Variants in SYNDIG1 observed in about 807,000 individuals in gnomAD.
SYNDIG1 encodes the protein synapse differentiation inducing 1.
A neutral mutation model predicts 19.4 loss-of-function variants in SYNDIG1; 9 were observed. The observed-to-expected ratio is 0.46, with a 90% CI of 0.28 to 0.81. The LOEUF (loss-of-function observed/expected upper bound fraction) is 0.81, where lower values mean the gene tolerates loss of function less well. Among genes scored for constraint, SYNDIG1 ranks in the 30% least tolerant of loss-of-function variants. The pLI, the probability that SYNDIG1 is intolerant of heterozygous loss-of-function variation, is 0.12. For missense variants in SYNDIG1, 311 were observed against 343.3 expected (o/e 0.91, Z 0.74); for synonymous variants, 141 against 145.9 (o/e 0.97, Z 0.24).
rs184605088 is a variant in SYNDIG1, at chr20:24,555,506, C to A, written c.480+11929C>A. ...TCCCAGAGACTCTGGTATGTTGTGT[C>A]TTTGTTCTCGTTGGTTTCAAAGAAC... On this transcript the variant is annotated intron_variant, in intron 2 of 3. Coordinates refer to ENST00000376862, the MANE Select transcript of SYNDIG1 (RefSeq NM_024893.3). 9.6e-3 allele frequency among the ~76,000 whole-genome samples: 1,463 copies of A among 152,122 alleles called. 20 individuals are homozygous for A. The highest frequency in any genetic ancestry group is 0.015 in the Non-Finnish European group (1,029 of 68,010).
rs149666732 is a variant in SYNDIG1, at chr20:24,539,799, G to A, written c.-78-3221G>A. Among the ~76,000 whole-genome samples, 1,040 of 152,014 alleles carry A rather than the reference G, an allele frequency of 6.8e-3. 2 individuals are homozygous for A. The highest frequency in any genetic ancestry group is 0.011 in the Non-Finnish European group (779 of 67,986). ...TGTTTGTTTGTTTGTTTGTTTTTGA[G>A]ATGGAGTCTTGCTCTGTCACCCAGG... On this transcript the variant is annotated intron_variant, in intron 1 of 3. Transcript: ENST00000376862.
At chr20:24,630,193 A>G (rs2059218748) in intron 3 of SYNDIG1, among the ~76,000 whole-genome samples, 1 of 138,202 alleles carries the variant, frequency 7.2e-6, no homozygotes, top group African/African-American at 2.7e-5. Flanking sequence ...ATGATCGTGT[A>G]TCATCAGGGG....
Position 24,549,039 on chromosome 20 carries a change from T to A in SYNDIG1, c.480+5462T>A, listed in dbSNP as rs1480649753. 2.6e-5 allele frequency among the ~76,000 whole-genome samples: 4 copies of A among 152,246 alleles called. No individual in the cohort carries two copies. The East Asian group carries it at 7.7e-4, about 29-fold the overall frequency. ...ATCAGGGTAATTAGCATATTCATTATCTCAAACTTTGATCATTGCTTTGTG... is the reference window on the plus strand; with the variant it reads ...ATCAGGGTAATTAGCATATTCATTAACTCAAACTTTGATCATTGCTTTGTG... On this transcript the variant is annotated intron_variant, in intron 2 of 3. Transcript: ENST00000376862.
intron 1 of SYNDIG1, among the ~76,000 whole-genome samples, chr20:24,500,506 CTTTCTTTCTTTCT>C (rs1568587852): frequency 1.8e-4 from 25 of 142,708 alleles, no homozygotes; most frequent in African/African-American, 5.7e-4. Flanking sequence ...TTCTTTCTTT[CTTTCTTTCTTTCT>C]TTCTTTCTTT....
At chr20:24,545,577 A>G (rs947154445) in intron 2 of SYNDIG1, among the ~76,000 whole-genome samples, 8 of 152,258 alleles carry the variant, frequency 5.3e-5, no homozygotes, top group Admixed American at 5.2e-4. Context: ...AAGTCATCAC[A>G]CAGGCAGGAG....
chr20:24,500,526 CT>C (rs939352302), intron 1 of SYNDIG1, among the ~76,000 whole-genome samples: 36 of 135,822 alleles, frequency 2.7e-4, no homozygotes, highest in Admixed American at 6.0e-4. Context: ...TTCTTTCTTT[CT>C]TTCTTCTTTC....
At chr20:24,498,372 A>G (rs1253909863) in intron 1 of SYNDIG1, among the ~76,000 whole-genome samples, 2 of 152,206 alleles carry the variant, frequency 1.3e-5, no homozygotes, top group Non-Finnish European at 2.9e-5. Context: ...TATATAGTGT[A>G]TATTATAAGT....
At chr20:24,604,684 C>G (rs1056938521) in intron 3 of SYNDIG1, among the ~76,000 whole-genome samples, 1 of 152,170 alleles carries the variant, frequency 6.6e-6, no homozygotes, top group African/African-American at 2.4e-5. Flanking sequence ...ATAAAAAGAG[C>G]CAACCAGCAG....
chr20:24,626,480 C>A (rs895447624), intron 3 of SYNDIG1, among the ~76,000 whole-genome samples: 2 of 151,446 alleles, frequency 1.3e-5, no homozygotes, highest in Non-Finnish European at 2.9e-5. Context: ...AGACGATGGG[C>A]GGCCGGGCAG....
intron 3 of SYNDIG1, among the ~76,000 whole-genome samples, chr20:24,631,835 A>G (rs537569890): frequency 8.5e-5 from 13 of 152,238 alleles, no homozygotes; most frequent in Non-Finnish European, 1.8e-4. Context: ...AAGAGTTGTA[A>G]TAAAATAAGC....
chr20:24,504,751 A>G (rs2056545415), intron 1 of SYNDIG1, among the ~76,000 whole-genome samples: 1 of 152,154 alleles, frequency 6.6e-6, no homozygotes, highest in East Asian at 1.9e-4. Flanking sequence ...CGGAGACTAA[A>G]CGGGGGTTGG....
intron 3 of SYNDIG1, among the ~76,000 whole-genome samples, chr20:24,629,662 C>T (rs1006893828): frequency 1.3e-5 from 2 of 152,126 alleles, no homozygotes; most frequent in Non-Finnish European, 2.9e-5. Flanking sequence ...TGTAGGAACA[C>T]GGAGAATTGG....
intron 1 of SYNDIG1, among the ~76,000 whole-genome samples, chr20:24,507,925 C>T (rs1014634395): frequency 2.0e-5 from 3 of 152,136 alleles, no homozygotes; most frequent in South Asian, 2.1e-4. Context: ...CAGGAACCTG[C>T]GCAGGGAAGC....
chr20:24,556,614 A>T (rs2057824138), intron 2 of SYNDIG1, among the ~76,000 whole-genome samples: 1 of 152,180 alleles, frequency 6.6e-6, no homozygotes, highest in African/African-American at 2.4e-5. Context: ...TCTTTTCTTT[A>T]AGAATGTTGA....
chr20:24,601,153 T>A (rs2058674491), intron 3 of SYNDIG1, among the ~76,000 whole-genome samples: 1 of 152,244 alleles, frequency 6.6e-6, no homozygotes, highest in Non-Finnish European at 1.5e-5. Context: ...TGGTTTGAAA[T>A]GTTAAACCAA....
intron 1 of SYNDIG1, among the ~76,000 whole-genome samples, chr20:24,510,125 G>A (rs2056705038): frequency 6.6e-6 from 1 of 152,098 alleles, no homozygotes; most frequent in African/African-American, 2.4e-5. Flanking sequence ...TCCTGTACAG[G>A]CTGCAAAACC....
rs942635495 is a variant in SYNDIG1, at chr20:24,658,395, G to A, written c.619-6951G>A. Reference sequence around the variant, plus strand: ...ACTGAGAACTGGGTCCCTGATGGCCGGTGCTCCTCCCCGTGACAGATTCCA... The same window carrying A: ...ACTGAGAACTGGGTCCCTGATGGCCAGTGCTCCTCCCCGTGACAGATTCCA... On this transcript the variant is annotated intron_variant, in intron 3 of 3. Transcript: ENST00000376862. The surrounding 1 kb of genome is among the most constrained non-coding windows in gnomAD (Gnocchi z 4.4). Among the ~76,000 whole-genome samples, 3 of 152,008 alleles carry A rather than the reference G, an allele frequency of 2.0e-5. No individual in the cohort carries two copies. Among genetic ancestry groups the A allele is most frequent in the Non-Finnish European group, 4.4e-5 (3 of 67,968 alleles).
At chr20:24,511,655 G>A (rs1029657314) in intron 1 of SYNDIG1, among the ~76,000 whole-genome samples, 1 of 152,104 alleles carries the variant, frequency 6.6e-6, no homozygotes, top group Non-Finnish European at 1.5e-5. Flanking sequence ...TTGGGCTTAA[G>A]GCTTCATATC....
At chr20:24,590,566 A>G (rs887704289) in intron 3 of SYNDIG1, among the ~76,000 whole-genome samples, 1 of 152,052 alleles carries the variant, frequency 6.6e-6, no homozygotes, top group African/African-American at 2.4e-5. Context: ...GGAATTTCAT[A>G]AGCAGTGGGG....
Sources: allele counts gnomAD v4.1 joint callset (sites outside exome capture counted in the v4.1 genomes callset), GRCh38; gene constraint gnomAD v4.1.1; non-coding constraint Gnocchi (gnomAD v3.1); transcripts MANE v1.5; gene names NCBI Gene and HGNC (gene_info 2026-07-23, HGNC 2026-07-21).